CNTNAP2: variants seen among roughly 807,000 people sequenced by gnomAD.
CNTNAP2 encodes the protein contactin-associated protein-like 2.
A neutral mutation model predicts 155.2 loss-of-function variants in CNTNAP2; 98 were observed. The ratio of observed to expected loss-of-function variants is 0.63; its 90% CI spans 0.54 to 0.75. CNTNAP2 has a LOEUF of 0.75. CNTNAP2 is among the 30% of genes least tolerant of loss of function. The pLI, the probability that CNTNAP2 is intolerant of heterozygous loss-of-function variation, is 0.00. For missense variants in CNTNAP2, 1,727 were observed against 1,688.1 expected, an observed-to-expected ratio of 1.02 and a Z score of -0.40; for synonymous variants, 651 against 631.2, an observed-to-expected ratio of 1.03 and a Z score of -0.47.
chr7:146,823,563 A>T (rs1326401704), intron 2 of CNTNAP2, among the ~76,000 whole-genome samples: 1 of 147,268 alleles, frequency 6.8e-6, no homozygotes, highest in Non-Finnish European at 1.5e-5. Context: ...CAGTATATTT[A>T]CATGGAAATA....
intron 13 of CNTNAP2, among the ~76,000 whole-genome samples, chr7:147,869,717 C>T (rs1469343216): frequency 6.6e-6 from 1 of 152,046 alleles, no homozygotes; most frequent in African/African-American, 2.4e-5. Context: ...TGTGGTTTTG[C>T]TTTTCTAGCC....
At chr7:146,699,660 G>A (rs1196561903) in intron 1 of CNTNAP2, among the ~76,000 whole-genome samples, 8 of 152,002 alleles carry the variant, frequency 5.3e-5, no homozygotes, top group Non-Finnish European at 1.5e-5. Context: ...TTTGAGGGTA[G>A]GCCTTTGTTA....
chr7:148,158,570 T>C (rs1442072232), intron 17 of CNTNAP2, among the ~76,000 whole-genome samples: 1 of 152,172 alleles, frequency 6.6e-6, no homozygotes, highest in Non-Finnish European at 1.5e-5. Context: ...ATCAACAGTG[T>C]ACTTTTAATG....
chr7:147,612,968 T>A (rs1454664873), intron 12 of CNTNAP2, among the ~76,000 whole-genome samples: 1 of 152,230 alleles, frequency 6.6e-6, no homozygotes, highest in Non-Finnish European at 1.5e-5. Flanking sequence ...ATGTTGTTTT[T>A]ATTTACTATT....
At chr7:146,830,934 C>A (rs925179756) in intron 2 of CNTNAP2, among the ~76,000 whole-genome samples, 2 of 152,190 alleles carry the variant, frequency 1.3e-5, no homozygotes, top group Non-Finnish European at 2.9e-5. Flanking sequence ...GGCACGATAA[C>A]TAGCCATTTT....
At chr7:146,346,278 C>T (rs1431353761) in intron 1 of CNTNAP2, among the ~76,000 whole-genome samples, 1 of 152,134 alleles carries the variant, frequency 6.6e-6, no homozygotes, top group Non-Finnish European at 1.5e-5. Flanking sequence ...GCTCACATTA[C>T]CACCTGAGCT....
chr7:146,887,213 G>A (rs148465340), intron 3 of CNTNAP2, among the ~76,000 whole-genome samples: 107 of 151,992 alleles, frequency 7.0e-4, no homozygotes, highest in African/African-American at 2.2e-3. Flanking sequence ...ACAATGGCGC[G>A]ATCTTGGCTC....
intron 1 of CNTNAP2, among the ~76,000 whole-genome samples, chr7:146,521,966 T>C (rs1461404949): frequency 6.6e-6 from 1 of 151,444 alleles, no homozygotes; most frequent in Admixed American, 6.6e-5. Flanking sequence ...ATGATGACTT[T>C]CACTGTTTTT....
intron 4 of CNTNAP2, chr7:147,080,795 C>G (rs1377733247): frequency 1.3e-5 from 2 of 151,156 alleles, no homozygotes; most frequent in South Asian, 2.1e-4. Flanking sequence ...TCAGTCTCCC[C>G]CTTTGATTCC....
chr7:147,121,165 T>C lies in CNTNAP2; in HGVS notation c.939+2T>C. On this transcript the variant is annotated splice_donor_variant, in intron 6 of 23. Transcript: ENST00000361727. LOFTEE classifies it high-confidence loss of function. Reference sequence around the variant, plus strand: ...GACTACCTGGACTTGGACTATGAGGTACATGTGATGACGTAGAAATTGTAA... The same window carrying C: ...GACTACCTGGACTTGGACTATGAGGCACATGTGATGACGTAGAAATTGTAA... The C allele has an allele frequency of 6.2e-7, 1 of 1,613,962 alleles. No homozygotes were observed.
intron 1 of CNTNAP2, among the ~76,000 whole-genome samples, chr7:146,368,922 G>T (rs1795192627): frequency 6.7e-6 from 1 of 149,444 alleles, no homozygotes; most frequent in African/African-American, 2.4e-5. Context: ...TGTAACTTGT[G>T]TTATTGAATT....
intron 1 of CNTNAP2, among the ~76,000 whole-genome samples, chr7:146,325,345 TA>T (rs570026178): frequency 3.7e-4 from 56 of 152,278 alleles, no homozygotes; most frequent in Admixed American, 6.5e-4. Context: ...TAAGAAGTAG[TA>T]AAAAAGTCAT....
intron 3 of CNTNAP2, among the ~76,000 whole-genome samples, chr7:146,874,378 A>C (rs948428113): frequency 6.6e-6 from 1 of 152,028 alleles, no homozygotes; most frequent in African/African-American, 2.4e-5. Flanking sequence ...TTGCTCTGTC[A>C]CCAAGGCTGG....
intron 8 of CNTNAP2, among the ~76,000 whole-genome samples, chr7:147,189,238 T>G (rs913148404): frequency 6.6e-6 from 1 of 152,322 alleles, no homozygotes; most frequent in Admixed American, 6.5e-5. Flanking sequence ...ACATAGTATT[T>G]TATTTTGCTG....
At chr7:148,192,500 A>G (rs1258335275) in intron 18 of CNTNAP2, among the ~76,000 whole-genome samples, 1 of 151,842 alleles carries the variant, frequency 6.6e-6, no homozygotes, top group Non-Finnish European at 1.5e-5. Context: ...CTCAAAGCCA[A>G]CTGATAACGA....
At chr7:147,415,748 C>T (rs1797182442) in intron 10 of CNTNAP2, among the ~76,000 whole-genome samples, 1 of 152,052 alleles carries the variant, frequency 6.6e-6, no homozygotes, top group Non-Finnish European at 1.5e-5. Context: ...TGTGAAAATT[C>T]ATAACAAGGG....
At chr7:147,033,912 A>C (rs1354382062) in intron 3 of CNTNAP2, among the ~76,000 whole-genome samples, 1 of 152,118 alleles carries the variant, frequency 6.6e-6, no homozygotes, top group Non-Finnish European at 1.5e-5. Context: ...ACACCAACAG[A>C]ATAAAGTGCA....
At chr7:146,835,734 T>C (rs1386139636) in intron 2 of CNTNAP2, among the ~76,000 whole-genome samples, 1 of 152,026 alleles carries the variant, frequency 6.6e-6, no homozygotes, top group Non-Finnish European at 1.5e-5. Context: ...AGATGAAAAA[T>C]AGCATCTAGG....
At chr7:146,353,847 T>C (rs1794958612) in intron 1 of CNTNAP2, among the ~76,000 whole-genome samples, 3 of 152,186 alleles carry the variant, frequency 2.0e-5, no homozygotes, top group Admixed American at 6.5e-5. Flanking sequence ...TTGATCTGTA[T>C]GAATAAGATA....
Sources: allele counts gnomAD v4.1 joint callset (sites outside exome capture counted in the v4.1 genomes callset), GRCh38; gene constraint gnomAD v4.1.1; transcripts MANE v1.5; gene names NCBI Gene and HGNC (gene_info 2026-07-23, HGNC 2026-07-21).